EMSY: variants seen among roughly 807,000 people sequenced by gnomAD.
EMSY encodes BRCA2-interacting transcriptional repressor EMSY.
In EMSY, 26 loss-of-function variants were observed where a neutral mutation model predicts 134.6. That is an observed-to-expected ratio of 0.19 (90% CI 0.14 to 0.27). The LOEUF is 0.27. Among genes scored for constraint, EMSY ranks in the 10% least tolerant of loss-of-function variants. EMSY has a pLI of 1.00. For missense variants in EMSY, 1,305 were observed against 1,611.4 expected (o/e 0.81, Z 3.26); for synonymous variants, 579 against 577.8 (o/e 1.00, Z -0.03).
chr11:76,496,633 A>G, intron 9 of EMSY, 164 bp downstream of exon 10: 1 of 807,384 alleles, frequency 1.2e-6, no homozygotes, highest in African/African-American at 1.7e-5. Flanking sequence ...ATGTTTTGTT[A>G]GATTTGTACC....
intron 6 of EMSY, among the ~76,000 whole-genome samples, chr11:76,463,568 A>C (rs1948220299): frequency 6.8e-6 from 1 of 147,726 alleles, no homozygotes; most frequent in Non-Finnish European, 1.5e-5. Flanking sequence ...GCTTGCGGTG[A>C]GCCGAGATTG....
intron 9 of EMSY, among the ~76,000 whole-genome samples, chr11:76,508,031 A>G (rs1383723129): frequency 6.6e-6 from 1 of 151,752 alleles, no homozygotes; most frequent in Non-Finnish European, 1.5e-5. Flanking sequence ...ATGCCTGGCT[A>G]ATTTTTTTAA....
At chr11:76,541,086 C>T (rs2508753) in intron 17 of EMSY, among the ~76,000 whole-genome samples, 81,982 of 151,956 alleles carry the variant, frequency 0.54, 23,212 homozygotes, top group South Asian at 0.67. Context: ...ATTAGCCTGG[C>T]GTGGTGGTGC....
intron 9 of EMSY, among the ~76,000 whole-genome samples, chr11:76,511,629 G>T (rs1950280609): frequency 6.6e-6 from 1 of 152,100 alleles, no homozygotes; most frequent in Non-Finnish European, 1.5e-5. Context: ...AAACCCAGGA[G>T]GTGGAGGTTG....
chr11:76,488,747 C>G (rs1217655254), intron 8 of EMSY, among the ~76,000 whole-genome samples: 1 of 152,162 alleles, frequency 6.6e-6, no homozygotes, highest in Non-Finnish European at 1.5e-5. Context: ...TTTGAGCCAT[C>G]AAGGAATTTC....
rs536598687 is a variant in EMSY, at chr11:76,458,491, C to CT, written c.421+134dup. ...AGGTTATGAAACATAGTAGGAAACT[C>CT]TAATTCTGAAATTAGACTGCCAGGT... On this transcript the variant is annotated intron_variant, in intron 5 of 20. Transcript: ENST00000334736. The CT allele has an allele frequency of 6.0e-4, 560 of 926,620 alleles. 1 individual carries two copies. In the African/African-American group the frequency reaches 8.9e-3, roughly 15 times the overall value. The allele number at this position is 926,620 out of a possible 1,614,324, so 57.4% of individuals were successfully genotyped here. A position where few individuals can be genotyped will look rare whatever the true frequency, so the allele number is the denominator to read the frequency against.
intron 8 of EMSY, among the ~76,000 whole-genome samples, chr11:76,489,805 A>G (rs2135671967): frequency 6.6e-6 from 1 of 152,140 alleles, no homozygotes; most frequent in African/African-American, 2.4e-5. Flanking sequence ...GCGTCTCACC[A>G]TGTTGGCCAG....
At chr11:76,467,135 T>C (rs1278935152) in intron 7 of EMSY, among the ~76,000 whole-genome samples, 1 of 152,244 alleles carries the variant, frequency 6.6e-6, no homozygotes, top group Non-Finnish European at 1.5e-5. Context: ...ACATTTTTAT[T>C]TGATGACTCC....
intron 8 of EMSY, among the ~76,000 whole-genome samples, chr11:76,473,427 C>G (rs1293348257): frequency 2.0e-5 from 3 of 151,942 alleles, no homozygotes; most frequent in African/African-American, 7.3e-5. Context: ...CCACCTCAGC[C>G]TTCTGAGTAG....
intron 9 of EMSY, among the ~76,000 whole-genome samples, chr11:76,507,559 A>G (rs1250374159): frequency 1.3e-5 from 2 of 152,210 alleles, no homozygotes; most frequent in East Asian, 3.8e-4. Context: ...ATCTCAAGAA[A>G]CCACATTCGT....
At chr11:76,449,101 A>G (rs954383797) in intron 2 of EMSY, among the ~76,000 whole-genome samples, 3 of 152,142 alleles carry the variant, frequency 2.0e-5, no homozygotes, top group African/African-American at 7.2e-5. Context: ...ATGGTTTGGC[A>G]AATCTTTCGT....
At chr11:76,467,312 T>G (rs1948390465) in intron 7 of EMSY, among the ~76,000 whole-genome samples, 1 of 152,222 alleles carries the variant, frequency 6.6e-6, no homozygotes, top group African/African-American at 2.4e-5. Context: ...TCAGTAATTC[T>G]TCTCTCTTCC....
At chr11:76,537,491 A>C (rs552824903) in intron 15 of EMSY, among the ~76,000 whole-genome samples, 11 of 152,354 alleles carry the variant, frequency 7.2e-5, no homozygotes, top group Non-Finnish European at 1.5e-4. Flanking sequence ...GAAGAAGGGT[A>C]TAGGAAATAC....
At chr11:76,460,538 G>A (rs1948067690) in intron 6 of EMSY, 1 of 152,150 alleles carries the variant, frequency 6.6e-6, no homozygotes, top group Admixed American at 6.6e-5. Context: ...CTAATTGACT[G>A]TAATTTTTGA....
chr11:76,538,643 C>G (rs1320987377), intron 16 of EMSY, among the ~76,000 whole-genome samples: 2 of 152,136 alleles, frequency 1.3e-5, no homozygotes, highest in Non-Finnish European at 2.9e-5. Context: ...AAAATCCGGT[C>G]CTTTTAATAT....
exon 20 of EMSY, chr11:76,546,054 T>G (rs1471249675): frequency 6.2e-7 from 1 of 1,614,174 alleles, no homozygotes; most frequent in Admixed American, 1.7e-5. Context: ...CTCTTGCCAC[T>G]AGCATGCTCA....
chr11:76,490,184 T>C (rs1367824195), intron 8 of EMSY, among the ~76,000 whole-genome samples: 1 of 141,392 alleles, frequency 7.1e-6, no homozygotes, highest in Non-Finnish European at 1.5e-5. Flanking sequence ...TTTTTATTGA[T>C]TTTTTTTTTA....
exon 8 of EMSY, chr11:76,472,802 C>G (rs763935049): frequency 7.4e-6 from 12 of 1,613,950 alleles, no homozygotes; most frequent in Non-Finnish European, 7.6e-6. Context: ...GCTGTGGTGT[C>G]CTCTACACCA....
chr11:76,550,081 A>G (rs1324344077), exon 21 of EMSY: 2 of 1,613,926 alleles, frequency 1.2e-6, no homozygotes, highest in Admixed American at 1.7e-5. Context: ...GGAGCAGGAC[A>G]TAGACAGTAG....
Sources: allele counts gnomAD v4.1 joint callset (sites outside exome capture counted in the v4.1 genomes callset), GRCh38; gene constraint gnomAD v4.1.1; transcripts MANE v1.5; gene names NCBI Gene and HGNC (gene_info 2026-07-23, HGNC 2026-07-21).